The following ANKRD13B variants were observed in gnomAD, a reference collection of about 807,000 sequenced individuals.
ANKRD13B encodes the protein ankyrin repeat domain 13B.
Under a neutral mutation model 74.4 loss-of-function variants are expected in ANKRD13B, and 33 were observed. The observed-to-expected ratio is 0.44, with a 90% CI of 0.34 to 0.59. ANKRD13B has a LOEUF of 0.59. Ranked by LOEUF, ANKRD13B falls within the 20% of genes least tolerant of loss-of-function variation. ANKRD13B has a pLI of 0.02. For synonymous variants in ANKRD13B, 341 were observed against 362.9 expected (o/e 0.94, Z 0.68); for missense variants, 676 against 877.9 (o/e 0.77, Z 2.91).
chr17:29,595,124 G>A (rs2033910265), intron 1 of ANKRD13B, among the ~76,000 whole-genome samples: 1 of 152,234 alleles, frequency 6.6e-6, no homozygotes, highest in Non-Finnish European at 1.5e-5. Flanking sequence ...CTATCATAAA[G>A]GCAGTGCTCT....
chr17:29,612,002 C>G lies in ANKRD13B; in HGVS notation c.1096C>G (p.Gln366Glu). 1 of 1,611,578 alleles carries G rather than the reference C, an allele frequency of 6.2e-7. No homozygotes were observed. The highest frequency in any genetic ancestry group is 8.5e-7 in the Non-Finnish European group (1 of 1,178,878). ...GRPMELTTKT[Q>E]KFKAKLWLCE... ...CCCCATGGAACTGACCACCAAGACA[C>G]AGAAGTGAGGCCCCTGCCGGTGCTG... Residue 366 changes from glutamine to glutamate, a missense_variant, in exon 10 of 15, where the codon CAG (glutamine) becomes GAG (glutamate). By Grantham distance (29) the Gln-to-Glu change is conservative. Coordinates refer to ENST00000394859, the MANE Select transcript of ANKRD13B (RefSeq NM_152345.5). The surrounding 1 kb of genome is among the most constrained non-coding windows in gnomAD (Gnocchi z 6.1).
chr17:29,608,101 G>A lies in ANKRD13B; in HGVS notation c.366G>A (p.Lys122=). 6.2e-7 allele frequency: 1 copy of A among 1,613,080 alleles called. No homozygotes were observed. Among genetic ancestry groups the A allele is most frequent in the Non-Finnish European group, 8.5e-7 (1 of 1,179,638 alleles). ...RLAGIPVLLE[K]LRKAQDFYVE... is the part of the protein sequence containing the mutation. ...CGGGCATCCCCGTGCTCCTGGAGAA[G>A]CTGCGCAAGGTGAGGCCCAGCCTCT... Residue 122 remains lysine, a synonymous_variant, in exon 3 of 15, where the codon AAG becomes AAA. Coordinates refer to ENST00000394859, the MANE Select transcript of ANKRD13B (RefSeq NM_152345.5). The surrounding 1 kb of genome is among the most constrained non-coding windows in gnomAD (Gnocchi z 6.4).
chr17:29,595,516 C>A (rs2033922630), intron 1 of ANKRD13B, among the ~76,000 whole-genome samples: 1 of 152,106 alleles, frequency 6.6e-6, no homozygotes. Context: ...TCCAGCAGGC[C>A]TCTCTGCTGA....
rs1044193914 is a variant in ANKRD13B, at chr17:29,594,020, G to C, written c.114+285G>C. Reference sequence around the variant, plus strand: ...GCAGGGAGGGGCTGCGGGCTGTGTCGGTGTTCCATGTGGTGGGAGAGTCCG... The same window carrying C: ...GCAGGGAGGGGCTGCGGGCTGTGTCCGTGTTCCATGTGGTGGGAGAGTCCG... On this transcript the variant is annotated intron_variant, in intron 1 of 14. Coordinates refer to ENST00000394859, the MANE Select transcript of ANKRD13B (RefSeq NM_152345.5). 3 of 187,676 alleles carry C rather than the reference G, an allele frequency of 1.6e-5. No individual in the cohort carries two copies. In the Admixed American group the frequency reaches 1.8e-4, roughly 12 times the overall value. The allele number at this position is 187,676 out of a possible 1,614,324, so 11.6% of individuals were successfully genotyped here.
At position 29,599,871 on chromosome 17, in the gene ANKRD13B, T is replaced by G. The variant is rs980253342; in HGVS notation, c.114+6136T>G. Among the ~76,000 whole-genome samples the G allele has an allele frequency of 1.0e-3, 117 of 113,698 alleles. 1 individual carries two copies. Among genetic ancestry groups the G allele is most frequent in the African/African-American group, 4.0e-4 (10 of 24,972 alleles). The allele number at this position is 113,698 out of a possible 152,430, so 74.6% of individuals were successfully genotyped here. On this transcript the variant is annotated intron_variant, in intron 1 of 14. Transcript: ENST00000394859. ...GGTTCTTAGCATCTAATTTGTTTTT[T>G]TTTTTTTTTTTTTTTTTTTTTTTGA...
chr17:29,599,192 A>G (rs1598598654), intron 1 of ANKRD13B, among the ~76,000 whole-genome samples: 1 of 152,272 alleles, frequency 6.6e-6, no homozygotes, highest in South Asian at 2.1e-4. Flanking sequence ...GATCCTGGAG[A>G]ACGTTCCGGG....
rs112674011 is a variant in ANKRD13B, at chr17:29,599,940, A to G, written c.114+6205A>G. On this transcript the variant is annotated intron_variant, in intron 1 of 14. Transcript: ENST00000394859. ...CCCCCGCGCTAGAGTGCAGTGGCGCAATCTCGGCTCACTGCAAGCTCCGCC... is the reference window on the plus strand; with the variant it reads ...CCCCCGCGCTAGAGTGCAGTGGCGCGATCTCGGCTCACTGCAAGCTCCGCC... Among the ~76,000 whole-genome samples, 728 of 127,492 alleles carry G rather than the reference A, an allele frequency of 5.7e-3. 8 individuals are homozygous for G. Among genetic ancestry groups the G allele is most frequent in the African/African-American group, 0.018 (591 of 32,816 alleles). 83.6% of individuals were successfully genotyped at this position (127,492 alleles called of 152,430 possible). A position where few individuals can be genotyped will look rare whatever the true frequency, so the allele number is the denominator to read the frequency against.
At chr17:29,606,061 G>C (rs1225413679) in intron 1 of ANKRD13B, among the ~76,000 whole-genome samples, 1 of 151,594 alleles carries the variant, frequency 6.6e-6, no homozygotes, top group Non-Finnish European at 1.5e-5. Flanking sequence ...TACAGGCATG[G>C]GCCACCACGC....
At position 29,613,751 on chromosome 17, in the gene ANKRD13B, C is replaced by T; in HGVS notation, c.*169C>T. 1.8e-6 allele frequency: 2 copies of T among 1,133,764 alleles called. No homozygotes were observed. The highest frequency in any genetic ancestry group is 3.8e-5 in the South Asian group (2 of 52,440). The allele number at this position is 1,133,764 out of a possible 1,614,324, so 70.2% of individuals were successfully genotyped here. A position where few individuals can be genotyped will look rare whatever the true frequency, so the allele number is the denominator to read the frequency against. On this transcript the variant is annotated 3_prime_UTR_variant, in exon 15 of 15. Coordinates refer to ENST00000394859, the MANE Select transcript of ANKRD13B (RefSeq NM_152345.5). ...TTCGGGGAGGGATTCGGCATGGCCG[C>T]GGGGTACCTTCCCAGGCCAGGGCCC...
Position 29,593,277 on chromosome 17 carries a change from G to C in ANKRD13B, c.-345G>C, listed in dbSNP as rs1490567506. On this transcript the variant is annotated 5_prime_UTR_variant, in exon 1 of 15. Transcript: ENST00000394859. The stretch of plus-strand genomic sequence containing the variant: ...GGGCCCGCGTCCCGTGCGCCCCCGC[G>C]CCCGCTGCGGGCGCCTGCTCCCTCC... Among the ~76,000 whole-genome samples the C allele has an allele frequency of 6.7e-6, 1 of 148,342 alleles. No individual in the cohort carries two copies. Among genetic ancestry groups the C allele is most frequent in the African/African-American group, 2.4e-5 (1 of 40,870 alleles).
intron 14 of ANKRD13B, 146 bp from the exon 15 acceptor site, chr17:29,613,208 A>C: frequency 7.6e-7 from 1 of 1,321,104 alleles, no homozygotes; most frequent in East Asian, 2.6e-5. Context: ...CGCCACGACC[A>C]GGTGGGGGCC....
intron 1 of ANKRD13B, among the ~76,000 whole-genome samples, chr17:29,597,706 T>C (rs1165532640): frequency 6.6e-6 from 1 of 152,164 alleles, no homozygotes; most frequent in Non-Finnish European, 1.5e-5. Context: ...AGGTGCCACT[T>C]ACACTGCAGG....
At position 29,609,029 on chromosome 17, in the gene ANKRD13B, G is replaced by A. The variant is rs758373365; in HGVS notation, c.565+35G>A. 1.9e-6 allele frequency: 3 copies of A among 1,613,380 alleles called. No homozygotes were observed. Among genetic ancestry groups the A allele is most frequent in the East Asian group, 2.2e-5 (1 of 44,894 alleles). On this transcript the variant is annotated intron_variant, in intron 5 of 14. Coordinates refer to ENST00000394859, the MANE Select transcript of ANKRD13B (RefSeq NM_152345.5). This position sits in a 1 kb window ranked among gnomAD's most constrained non-coding sequence, Gnocchi z 4.0. Reference sequence around the variant, plus strand: ...GCAGGAAGTGGGGCAGGGTGGGGACGATGGGAGGCAGCCCCAGGCCACCCC... The same window carrying A: ...GCAGGAAGTGGGGCAGGGTGGGGACAATGGGAGGCAGCCCCAGGCCACCCC...
rs183331448 is a variant in ANKRD13B at position 29,601,622 on chromosome 17, C to A, written c.115-6120C>A. 1.3e-3 allele frequency among the ~76,000 whole-genome samples: 197 copies of A among 152,302 alleles called. 2 individuals are homozygous for A. Among genetic ancestry groups the A allele is most frequent in the Middle Eastern group, 3.4e-3 (1 of 294 alleles). On this transcript the variant is annotated intron_variant, in intron 1 of 14. Transcript: ENST00000394859. ...TCATTTTCTTTCCACCTGAAGAACT[C>A]CCTTTAACATTTCCTGCACATCTGG...
Position 29,612,913 on chromosome 17 carries a change from C to T in ANKRD13B, c.1602C>T (p.Asn534=), listed in dbSNP as rs763222866. Residue 534 remains asparagine (N), a synonymous_variant, in exon 14 of 15, where the codon AAC becomes AAT. Coordinates refer to ENST00000394859, the MANE Select transcript of ANKRD13B (RefSeq NM_152345.5). The surrounding 1 kb of genome is among the most constrained non-coding windows in gnomAD (Gnocchi z 6.1). ...TCACCATCTGGGAGGCGCTAACCAA[C>T]AGCAAGCCAGGCACCCACCCCATGT... ...DQVTIWEALT[N]SKPGTHPMSY... is the part of the protein sequence containing the mutation. 16 of 1,598,442 alleles carry T rather than the reference C, an allele frequency of 1.0e-5. No individual in the cohort carries two copies. Among genetic ancestry groups the T allele is most frequent in the East Asian group, 2.2e-5 (1 of 44,856 alleles).
At chr17:29,600,270 A>G (rs2034121407) in intron 1 of ANKRD13B, among the ~76,000 whole-genome samples, 1 of 152,148 alleles carries the variant, frequency 6.6e-6, no homozygotes, top group Non-Finnish European at 1.5e-5. Flanking sequence ...ATATTTAAGA[A>G]TGGGGCTGGG....
intron 1 of ANKRD13B, among the ~76,000 whole-genome samples, chr17:29,600,810 C>T (rs562932712): frequency 7.2e-5 from 11 of 152,178 alleles, no homozygotes; most frequent in Admixed American, 2.0e-4. Flanking sequence ...CTCTGCTCCC[C>T]TAAGTCAGTT....
Position 29,609,788 on chromosome 17 carries a change from T to C in ANKRD13B, c.822+367T>C, listed in dbSNP as rs2150899351. ...ATCGGTCCATTTTATGATGAGGAAA[T>C]AGAGGCTTAGAGTGGTTCTGTGACC... is the stretch of plus-strand genomic sequence containing the variant. On this transcript the variant is annotated intron_variant, in intron 7 of 14. Transcript: ENST00000394859. This position sits in a 1 kb window ranked among gnomAD's most constrained non-coding sequence, Gnocchi z 4.0. 6.6e-6 allele frequency among the ~76,000 whole-genome samples: 1 copy of C among 152,204 alleles called. No individual in the cohort carries two copies. Among genetic ancestry groups the C allele is most frequent in the South Asian group, 2.1e-4 (1 of 4,824 alleles).
intron 1 of ANKRD13B, among the ~76,000 whole-genome samples, chr17:29,599,877 T>TTTG (rs1555579167): frequency 1.3e-4 from 16 of 122,744 alleles, no homozygotes; most frequent in Non-Finnish European, 2.2e-4. Context: ...TTTTTTTTTT[T>TTTG]TTTTTTTTTT....
Sources: gnomAD v4.1 joint callset for allele counts (sites outside exome capture counted in the v4.1 genomes callset) on GRCh38, gnomAD v4.1.1 for gene constraint, Gnocchi (gnomAD v3.1) non-coding constraint, MANE v1.5 for transcripts, NCBI Gene and HGNC (gene_info 2026-07-23, HGNC 2026-07-21) for gene names.